Variants in GLCE observed in about 807,000 individuals in gnomAD.
The protein encoded by GLCE is glucuronic acid epimerase.
GLCE carries 19 observed loss-of-function variants against 47.9 expected under a neutral mutation model. That is an observed-to-expected ratio of 0.40 (90% CI 0.28 to 0.58). The LOEUF is 0.58. Among genes scored for constraint, GLCE ranks in the 20% least tolerant of loss-of-function variants. The pLI, the probability that GLCE is intolerant of heterozygous loss-of-function variation, is 0.48. For synonymous variants in GLCE, 245 were observed against 263.4 expected, an observed-to-expected ratio of 0.93 and a Z score of 0.68; for missense variants, 556 against 743.3, an observed-to-expected ratio of 0.75 and a Z score of 2.93.
chr15:69,250,236 T>C (rs2052819027), intron 2 of GLCE, among the ~76,000 whole-genome samples: 1 of 152,168 alleles, frequency 6.6e-6, no homozygotes, highest in Admixed American at 6.5e-5. Flanking sequence ...TTCTTGAAAT[T>C]TCAGAGTGTC....
At chr15:69,233,305 C>A (rs888369582) in intron 2 of GLCE, among the ~76,000 whole-genome samples, 1 of 152,148 alleles carries the variant, frequency 6.6e-6, no homozygotes, top group Non-Finnish European at 1.5e-5. Flanking sequence ...TCAGTCACTT[C>A]TTGTGACTAA....
intron 2 of GLCE, among the ~76,000 whole-genome samples, chr15:69,217,186 C>T (rs2052319194): frequency 6.6e-6 from 1 of 151,660 alleles, no homozygotes; most frequent in African/African-American, 2.4e-5. Context: ...ATATAAATTA[C>T]ATTGGATGTA....
At chr15:69,216,938 T>C (rs2052315682) in intron 2 of GLCE, among the ~76,000 whole-genome samples, 1 of 152,158 alleles carries the variant, frequency 6.6e-6, no homozygotes, top group South Asian at 2.1e-4. Flanking sequence ...ATTTACATAT[T>C]CAGATTCTGA....
chr15:69,234,904 T>G (rs1209568108), intron 2 of GLCE, among the ~76,000 whole-genome samples: 1 of 152,174 alleles, frequency 6.6e-6, no homozygotes, highest in Non-Finnish European at 1.5e-5. Context: ...GTTTCTTGAT[T>G]GCTATTCTTA....
chr15:69,246,033 G>A (rs1055437076), intron 2 of GLCE, among the ~76,000 whole-genome samples: 2 of 151,994 alleles, frequency 1.3e-5, no homozygotes, highest in East Asian at 1.9e-4. Flanking sequence ...CCGGCCAGTC[G>A]TTTCAACAAT....
intron 2 of GLCE, among the ~76,000 whole-genome samples, chr15:69,216,643 G>A (rs1196698591): frequency 1.3e-5 from 2 of 152,014 alleles, no homozygotes; most frequent in South Asian, 2.1e-4. Context: ...TTTGTTTGCT[G>A]TATAACAAAT....
At position 69,212,526 on chromosome 15, in the gene GLCE, C is replaced by T. The variant is rs572351074; in HGVS notation, c.-14+2120C>T. On this transcript the variant is annotated intron_variant, in intron 2 of 4. Coordinates refer to ENST00000261858, the MANE Select transcript of GLCE (RefSeq NM_015554.3). ...AAATTAAATATGTGTACTTTAAAGA[C>T]AGGCATAGGATTTTTTCTTTTAATT... Among the ~76,000 whole-genome samples the T allele has an allele frequency of 2.6e-5, 4 of 152,036 alleles. No homozygotes were observed. The South Asian group carries it at 8.3e-4, about 31-fold the overall frequency.
chr15:69,250,495 C>T (rs1319216042), intron 2 of GLCE, among the ~76,000 whole-genome samples: 6 of 151,832 alleles, frequency 4.0e-5, no homozygotes, highest in Non-Finnish European at 7.4e-5. Flanking sequence ...GTTAACCTTC[C>T]CCTTCTTAGT....
At chr15:69,202,310 A>G (rs2052087229) in intron 1 of GLCE, among the ~76,000 whole-genome samples, 1 of 152,152 alleles carries the variant, frequency 6.6e-6, no homozygotes, top group African/African-American at 2.4e-5. Context: ...ATTCACCTAT[A>G]GTGAAGAACT....
At position 69,163,864 on chromosome 15, in the gene GLCE, C is replaced by T. The variant is rs192649673; in HGVS notation, c.-105+3107C>T. On this transcript the variant is annotated intron_variant, in intron 1 of 4. Coordinates refer to ENST00000261858, the MANE Select transcript of GLCE (RefSeq NM_015554.3). Reference sequence around the variant, plus strand: ...TTTTGTCAGTATTGCCAGTTGTACCCGTGTATACTAATGAAGGAAAAGGGT... The same window carrying T: ...TTTTGTCAGTATTGCCAGTTGTACCTGTGTATACTAATGAAGGAAAAGGGT... Among the ~76,000 whole-genome samples, 6 of 151,998 alleles carry T rather than the reference C, an allele frequency of 3.9e-5. No homozygotes were observed. In the East Asian group the frequency reaches 9.7e-4, roughly 24 times the overall value.
intron 1 of GLCE, among the ~76,000 whole-genome samples, chr15:69,189,104 A>G (rs988522487): frequency 6.6e-6 from 1 of 152,172 alleles, no homozygotes; most frequent in African/African-American, 2.4e-5. Flanking sequence ...GTTTTGACAA[A>G]TGTGTAATGG....
At chr15:69,223,005 G>A (rs548023120) in intron 2 of GLCE, among the ~76,000 whole-genome samples, 2 of 152,064 alleles carry the variant, frequency 1.3e-5, no homozygotes, top group Admixed American at 6.6e-5. Context: ...TCCCACACCT[G>A]TCAGTTGTTG....
intron 1 of GLCE, among the ~76,000 whole-genome samples, chr15:69,162,496 A>G (rs1448644064): frequency 6.6e-6 from 1 of 152,012 alleles, no homozygotes; most frequent in Non-Finnish European, 1.5e-5. Flanking sequence ...GAGTATACCA[A>G]AGCAAATAAT....
At chr15:69,185,211 T>C (rs2051804827) in intron 1 of GLCE, among the ~76,000 whole-genome samples, 1 of 152,200 alleles carries the variant, frequency 6.6e-6, no homozygotes, top group South Asian at 2.1e-4. Flanking sequence ...CTTTCTGTCA[T>C]ATAGAGAGTA....
rs571180650 is a variant in GLCE at position 69,257,793 on chromosome 15, A to C, written c.586+1401A>C. On this transcript the variant is annotated intron_variant, in intron 3 of 4. Coordinates refer to ENST00000261858, the MANE Select transcript of GLCE (RefSeq NM_015554.3). ...TAGCATAATCGTAATGATGTTTACT[A>C]TACAGTGATTCAGGAGAGTAATAGA... Among the ~76,000 whole-genome samples, 3 of 152,136 alleles carry C rather than the reference A, an allele frequency of 2.0e-5. No individual in the cohort carries two copies. In the East Asian group the frequency reaches 5.8e-4, roughly 29 times the overall value.
intron 4 of GLCE, among the ~76,000 whole-genome samples, chr15:69,267,257 C>G (rs550612529): frequency 6.6e-6 from 1 of 152,296 alleles, no homozygotes; most frequent in South Asian, 2.1e-4. Flanking sequence ...GGAATAATAA[C>G]CATCATTTAT....
At chr15:69,210,192 TC>T (rs1460582735) in intron 1 of GLCE, 123 bp from the exon 2 acceptor site, 1 of 152,150 alleles carries the variant, frequency 6.6e-6, no homozygotes. Context: ...TTTTCAAAGT[TC>T]CTTAGTAGTT....
chr15:69,173,765 T>C (rs943870520), intron 1 of GLCE, among the ~76,000 whole-genome samples: 1 of 152,252 alleles, frequency 6.6e-6, no homozygotes, highest in Non-Finnish European at 1.5e-5. Context: ...ACACTTATAA[T>C]ACTTATGGCT....
intron 1 of GLCE, among the ~76,000 whole-genome samples, chr15:69,191,707 A>G (rs760371948): frequency 5.9e-5 from 9 of 152,168 alleles, no homozygotes; most frequent in Non-Finnish European, 1.0e-4. Context: ...TAAATACTTC[A>G]GGCACAGTAA....
Sources: gnomAD v4.1 joint callset for allele counts (sites outside exome capture counted in the v4.1 genomes callset) on GRCh38, gnomAD v4.1.1 for gene constraint, MANE v1.5 for transcripts, NCBI Gene and HGNC (gene_info 2026-07-23, HGNC 2026-07-21) for gene names.